The following KSR2 variants were observed in gnomAD, a reference collection of about 807,000 sequenced individuals.
The protein encoded by KSR2 is kinase suppressor of ras 2.
Under a neutral mutation model 107.8 loss-of-function variants are expected in KSR2, and 25 were observed. The observed-to-expected ratio is 0.23, with a 90% CI of 0.17 to 0.32. The LOEUF (loss-of-function observed/expected upper bound fraction) is 0.32, where lower values mean the gene tolerates loss of function less well. Among genes scored for constraint, KSR2 ranks in the 10% least tolerant of loss-of-function variants. The probability of loss-of-function intolerance (pLI) is 1.00; values close to 1 mark genes in which losing one functional copy is unlikely to be tolerated. For missense variants in KSR2, 887 were observed against 1,268.9 expected (o/e 0.70, Z 4.57); for synonymous variants, 480 against 507.0 (o/e 0.95, Z 0.71).
chr12:117,493,074 C>T (rs931020270), intron 14 of KSR2, among the ~76,000 whole-genome samples: 4 of 152,108 alleles, frequency 2.6e-5, no homozygotes, highest in Non-Finnish European at 5.9e-5. Context: ...AGTGCTGCCT[C>T]GTGAGCAGAT....
At chr12:117,670,813 C>A (rs34834159) in intron 4 of KSR2, among the ~76,000 whole-genome samples, 4 of 152,138 alleles carry the variant, frequency 2.6e-5, no homozygotes, top group Non-Finnish European at 5.9e-5. Context: ...GTGGCCCCCA[C>A]GGAACGGCAA....
At chr12:117,673,628 T>G (rs1312769323) in intron 4 of KSR2, among the ~76,000 whole-genome samples, 1 of 152,170 alleles carries the variant, frequency 6.6e-6, no homozygotes, top group Non-Finnish European at 1.5e-5. Flanking sequence ...GAAGCCTTCA[T>G]GGACAAGATG....
At chr12:117,642,484 A>G (rs1053007927) in intron 5 of KSR2, among the ~76,000 whole-genome samples, 2 of 152,180 alleles carry the variant, frequency 1.3e-5, no homozygotes, top group African/African-American at 4.8e-5. Flanking sequence ...AGAGCTCTGG[A>G]CCTCAAGGTA....
chr12:117,637,878 CA>C (rs1360529082), intron 5 of KSR2, among the ~76,000 whole-genome samples: 1 of 151,724 alleles, frequency 6.6e-6, no homozygotes, highest in Non-Finnish European at 1.5e-5. Context: ...CTCAAGTGTG[CA>C]AGAAGAATGT....
intron 1 of KSR2, among the ~76,000 whole-genome samples, chr12:117,950,010 G>C (rs771957268): frequency 1.3e-5 from 2 of 149,584 alleles, no homozygotes; most frequent in African/African-American, 4.9e-5. Context: ...GTCTCACTCT[G>C]TCTCCCAGGC....
rs547120888 is a variant in KSR2 at position 117,880,030 on chromosome 12, C to A, written c.181-19599G>T. The stretch of plus-strand genomic sequence containing the variant: ...GCATGGTGATATGTGCCTGTAATCC[C>A]AGCTACTTGGGAGGCTGAGGCAGGA... On this transcript the variant is annotated intron_variant, in intron 1 of 19. Coordinates refer to ENST00000339824, the MANE Select transcript of KSR2 (RefSeq NM_173598.6). Among the ~76,000 whole-genome samples, 274 of 152,264 alleles carry A rather than the reference C, an allele frequency of 1.8e-3. 1 individual carries two copies. Among genetic ancestry groups the A allele is most frequent in the African/African-American group, 6.4e-3 (266 of 41,556 alleles).
At chr12:117,874,128 G>A (rs1165618868) in intron 1 of KSR2, among the ~76,000 whole-genome samples, 1 of 152,100 alleles carries the variant, frequency 6.6e-6, no homozygotes, top group African/African-American at 2.4e-5. Context: ...CCTTCTACTC[G>A]GTGAATTTCA....
At chr12:117,787,235 C>G (rs928955590) in intron 3 of KSR2, among the ~76,000 whole-genome samples, 1 of 152,118 alleles carries the variant, frequency 6.6e-6, no homozygotes, top group Non-Finnish European at 1.5e-5. Flanking sequence ...TCAGTTTGGT[C>G]TTGTTCAGTC....
intron 1 of KSR2, among the ~76,000 whole-genome samples, chr12:117,893,443 T>C (rs180784110): frequency 6.6e-6 from 1 of 152,330 alleles, no homozygotes; most frequent in Non-Finnish European, 1.5e-5. Context: ...CTTTGCAGCG[T>C]AGGCTGTGGC....
At chr12:117,684,141 C>T (rs1243268601) in intron 4 of KSR2, among the ~76,000 whole-genome samples, 2 of 152,142 alleles carry the variant, frequency 1.3e-5, no homozygotes, top group Non-Finnish European at 2.9e-5. Context: ...TCATCTCTGC[C>T]ACTGGGACTT....
intron 14 of KSR2, among the ~76,000 whole-genome samples, chr12:117,508,661 G>A (rs1325093516): frequency 1.3e-5 from 2 of 152,026 alleles, no homozygotes; most frequent in African/African-American, 4.8e-5. Flanking sequence ...AAGTGGATAG[G>A]TGGACTGACA....
chr12:117,525,410 T>C (rs1219350794), intron 13 of KSR2, among the ~76,000 whole-genome samples, 191 bp from the exon 14 acceptor site: 6 of 152,118 alleles, frequency 3.9e-5, no homozygotes, highest in African/African-American at 1.4e-4. Flanking sequence ...ACAGTGAAGG[T>C]GCTGAAAGGG....
intron 3 of KSR2, among the ~76,000 whole-genome samples, chr12:117,843,365 G>T (rs2137171425): frequency 6.6e-6 from 1 of 152,204 alleles, no homozygotes; most frequent in Middle Eastern, 3.4e-3. Flanking sequence ...GGCTACAAGG[G>T]GCCTCAGGAA....
intron 1 of KSR2, among the ~76,000 whole-genome samples, chr12:117,931,940 C>A (rs557631102): frequency 3.9e-5 from 6 of 152,144 alleles, no homozygotes; most frequent in East Asian, 3.8e-4. Flanking sequence ...ACATGGAGGA[C>A]ATTATGCCCA....
At chr12:117,512,059 T>A (rs897002819) in intron 14 of KSR2, among the ~76,000 whole-genome samples, 1 of 152,180 alleles carries the variant, frequency 6.6e-6, no homozygotes, top group Non-Finnish European at 1.5e-5. Context: ...ACACTGGAAA[T>A]GTACATGGTA....
intron 4 of KSR2, among the ~76,000 whole-genome samples, chr12:117,699,456 T>G (rs968073174): frequency 1.3e-5 from 2 of 152,250 alleles, no homozygotes; most frequent in African/African-American, 4.8e-5. Context: ...ATCTAGGTGG[T>G]AGAGCCTACT....
intron 5 of KSR2, among the ~76,000 whole-genome samples, chr12:117,664,540 C>T (rs1006504743): frequency 6.6e-6 from 1 of 152,140 alleles, no homozygotes; most frequent in African/African-American, 2.4e-5. Context: ...GAGTCGGCAC[C>T]TGGTAGCTGT....
At chr12:117,722,530 C>T (rs545636619) in intron 4 of KSR2, among the ~76,000 whole-genome samples, 4 of 152,328 alleles carry the variant, frequency 2.6e-5, no homozygotes, top group African/African-American at 7.2e-5. Context: ...GACCTCTAGT[C>T]GTCCTCACTG....
chr12:117,921,094 T>A (rs1218063551), intron 1 of KSR2, among the ~76,000 whole-genome samples: 1 of 152,232 alleles, frequency 6.6e-6, no homozygotes, highest in African/African-American at 2.4e-5. Flanking sequence ...TGCTCACTTA[T>A]GTGACTTTAA....
Sources: allele counts gnomAD v4.1 joint callset (sites outside exome capture counted in the v4.1 genomes callset), GRCh38; gene constraint gnomAD v4.1.1; transcripts MANE v1.5; gene names NCBI Gene and HGNC (gene_info 2026-07-23, HGNC 2026-07-21).